The following CLEC16A variants were observed in gnomAD, a reference collection of about 807,000 sequenced individuals.
The protein encoded by CLEC16A is protein CLEC16A.
A neutral mutation model predicts 109.5 loss-of-function variants in CLEC16A; 51 were observed. That is an observed-to-expected ratio of 0.47 (90% CI 0.37 to 0.59). The LOEUF is 0.59. Ranked by LOEUF, CLEC16A falls within the 20% of genes least tolerant of loss-of-function variation. CLEC16A has a pLI of 0.00. For synonymous variants in CLEC16A, 673 were observed against 564.2 expected, an observed-to-expected ratio of 1.19 and a Z score of -2.73; for missense variants, 1,339 against 1,394.0, an observed-to-expected ratio of 0.96 and a Z score of 0.63.
At chr16:11,123,124 G>A (rs966004386) in intron 20 of CLEC16A, among the ~76,000 whole-genome samples, 19 of 151,864 alleles carry the variant, frequency 1.3e-4, no homozygotes, top group Admixed American at 9.8e-4. Context: ...GGCTGGTCTC[G>A]AACTCCTGAC....
intron 19 of CLEC16A, among the ~76,000 whole-genome samples, chr16:11,106,388 G>A (rs953807009): frequency 1.3e-5 from 2 of 151,560 alleles, no homozygotes; most frequent in African/African-American, 2.4e-5. Flanking sequence ...TCCTGGGCCC[G>A]AGTGAGCTTC....
At chr16:10,998,991 GAAAAAAC>G (rs113951476) in intron 10 of CLEC16A, among the ~76,000 whole-genome samples, 2,034 of 151,962 alleles carry the variant, frequency 0.013, 34 homozygotes, top group African/African-American at 0.041. Context: ...TTAGCTTTAA[GAAAAAAC>G]AAAAAACAAA....
chr16:11,134,037 A>G (rs2053407851), intron 22 of CLEC16A, among the ~76,000 whole-genome samples: 1 of 152,132 alleles, frequency 6.6e-6, no homozygotes, highest in Admixed American at 6.5e-5. Flanking sequence ...CAGAAGGAAG[A>G]TGTTACCATT....
At chr16:11,081,580 C>G (rs2049720822) in intron 19 of CLEC16A, among the ~76,000 whole-genome samples, 1 of 152,144 alleles carries the variant, frequency 6.6e-6, no homozygotes, top group African/African-American at 2.4e-5. Context: ...ACTCCCCTCC[C>G]CACCTAGTCA....
At chr16:11,047,410 A>G in intron 17 of CLEC16A, 68 bp downstream of exon 17, 2 of 1,278,116 alleles carry the variant, frequency 1.6e-6, no homozygotes, top group South Asian at 1.6e-5. Flanking sequence ...CCCCCTGCCC[A>G]TCCCAGAGGG....
chr16:11,073,360 G>A (rs1057128546), intron 19 of CLEC16A, among the ~76,000 whole-genome samples: 1 of 152,126 alleles, frequency 6.6e-6, no homozygotes, highest in Non-Finnish European at 1.5e-5. Flanking sequence ...CCTCACGATC[G>A]GGGGATCATC....
At chr16:11,125,418 T>C (rs1207969103) in intron 21 of CLEC16A, among the ~76,000 whole-genome samples, 3 of 152,176 alleles carry the variant, frequency 2.0e-5, no homozygotes, top group African/African-American at 7.2e-5. Context: ...CTTGGGTATT[T>C]CTTAAATTGA....
At chr16:11,050,068 C>G (rs2047856706) in intron 17 of CLEC16A, among the ~76,000 whole-genome samples, 1 of 152,208 alleles carries the variant, frequency 6.6e-6, no homozygotes, top group Non-Finnish European at 1.5e-5. Context: ...TCTTACAGTT[C>G]TAGAGGCTGG....
chr16:11,177,852 CTTTT>C (rs113715763), intron 23 of CLEC16A, among the ~76,000 whole-genome samples: 1 of 139,876 alleles, frequency 7.1e-6, no homozygotes, highest in Admixed American at 7.2e-5. Context: ...ACAGAATTTC[CTTTT>C]TTTTTTTTTT....
chr16:11,079,581 A>G (rs542458128), intron 19 of CLEC16A, among the ~76,000 whole-genome samples: 1 of 152,220 alleles, frequency 6.6e-6, no homozygotes, highest in Non-Finnish European at 1.5e-5. Flanking sequence ...TGGCACATCC[A>G]CATTATCTTT....
chr16:11,107,618 G>A (rs2051302900), intron 19 of CLEC16A, among the ~76,000 whole-genome samples: 1 of 152,156 alleles, frequency 6.6e-6, no homozygotes, highest in Non-Finnish European at 1.5e-5. Flanking sequence ...GGAGTGAGTC[G>A]AGGCTCAGGA....
At chr16:11,148,848 G>A (rs1307330274) in intron 22 of CLEC16A, among the ~76,000 whole-genome samples, 1 of 152,164 alleles carries the variant, frequency 6.6e-6, no homozygotes, top group Non-Finnish European at 1.5e-5. Context: ...GGTGATGTGC[G>A]CTTCAGCTCA....
intron 10 of CLEC16A, among the ~76,000 whole-genome samples, chr16:10,989,156 G>C (rs531744341): frequency 1.3e-5 from 2 of 152,188 alleles, no homozygotes; most frequent in Admixed American, 6.5e-5. Flanking sequence ...TGTATACTGT[G>C]CTCTCCATTC....
rs112803295 is a variant in CLEC16A, at chr16:10,950,084, C to T, written c.80+5287C>T. ...TAACACATTATTATATACTTCTCAT[C>T]GCCAAAGAGTGGGTCGGCTGTTAGC... On this transcript the variant is annotated intron_variant, in intron 1 of 23. Transcript: ENST00000409790. 2.2e-3 allele frequency among the ~76,000 whole-genome samples: 334 copies of T among 152,312 alleles called. 7 individuals carry two copies. Among genetic ancestry groups the T allele is most frequent in the Admixed American group, 5.7e-3 (87 of 15,298 alleles).
rs540726519 is a variant in CLEC16A at position 10,970,916 on chromosome 16, A to G, written c.493-209A>G. On this transcript the variant is annotated intron_variant, in intron 4 of 23. Transcript: ENST00000409790. ...GGTGTGCACCACCACACGGACTTGG[A>G]CTCTTCTGTTTCTTCCATGGCTTTG... 2.4e-4 allele frequency among the ~76,000 whole-genome samples: 36 copies of G among 149,344 alleles called. No homozygotes were observed. In the Middle Eastern group the frequency reaches 0.01, roughly 43 times the overall value.
chr16:11,110,343 A>C (rs1315646473), intron 19 of CLEC16A, among the ~76,000 whole-genome samples: 1 of 152,184 alleles, frequency 6.6e-6, no homozygotes, highest in Non-Finnish European at 1.5e-5. Context: ...AATGACAGGC[A>C]CTGGGATGGG....
chr16:11,115,233 G>T (rs1215267773), intron 19 of CLEC16A, among the ~76,000 whole-genome samples: 3 of 152,176 alleles, frequency 2.0e-5, no homozygotes, highest in East Asian at 1.9e-4. Context: ...AAGTTGTCCT[G>T]TGTAGAGTGA....
At chr16:11,125,922 C>T (rs2052777412) in intron 21 of CLEC16A, 57 bp from the exon 22 acceptor site, 4 of 277,928 alleles carry the variant, frequency 1.4e-5, no homozygotes, top group Non-Finnish European at 2.5e-5. Context: ...CCCAAATTCT[C>T]ACCACCCCCC....
intron 17 of CLEC16A, among the ~76,000 whole-genome samples, chr16:11,048,999 G>A (rs2152874157): frequency 7.2e-6 from 1 of 138,704 alleles, no homozygotes; most frequent in African/African-American, 2.9e-5. Context: ...GAAATTCTGA[G>A]CCTTGATTTT....
Sources: allele counts gnomAD v4.1 joint callset (sites outside exome capture counted in the v4.1 genomes callset), GRCh38; gene constraint gnomAD v4.1.1; transcripts MANE v1.5; gene names NCBI Gene and HGNC (gene_info 2026-07-23, HGNC 2026-07-21).